Variants in SCN9A observed in about 807,000 individuals in gnomAD.
The protein encoded by SCN9A is sodium voltage-gated channel alpha subunit 9, also known as sodium channel protein type 9 subunit alpha.
Under a neutral mutation model 187.0 loss-of-function variants are expected in SCN9A, and 131 were observed. That is an observed-to-expected ratio of 0.70 (90% CI 0.61 to 0.81). The LOEUF is 0.81. Ranked by LOEUF, SCN9A falls within the 30% of genes least tolerant of loss-of-function variation. The pLI, the probability that SCN9A is intolerant of heterozygous loss-of-function variation, is 0.00. For synonymous variants in SCN9A, 809 were observed against 808.6 expected (o/e 1.00, Z -0.01); for missense variants, 2,252 against 2,396.6 (o/e 0.94, Z 1.26).
At chr2:166,211,561 AAAT>A (rs1308713381) in intron 24 of SCN9A, among the ~76,000 whole-genome samples, 1 of 151,966 alleles carries the variant, frequency 6.6e-6, no homozygotes, top group Non-Finnish European at 1.5e-5. Context: ...TTAAATGTCA[AAAT>A]AATTAAGAAT....
chr2:166,350,577 T>G (rs1035685243), intron 1 of SCN9A, among the ~76,000 whole-genome samples: 1 of 152,224 alleles, frequency 6.6e-6, no homozygotes, highest in Admixed American at 6.5e-5. Context: ...CTTCCTATTA[T>G]TTATTTAACT....
In SCN9A at chr2:166,209,723, C is replaced by A. The variant is rs976663973; in HGVS notation, c.4399-5259G>T. Among the ~76,000 whole-genome samples, 2 of 151,828 alleles carry A rather than the reference C, an allele frequency of 1.3e-5. 1 individual carries two copies. The highest frequency in any genetic ancestry group is 2.9e-5 in the Non-Finnish European group (2 of 67,962). The stretch of plus-strand genomic sequence containing the variant: ...ATGAAAAAATGCTCATCATCACTGG[C>A]CATCAGAGAAATGCAAATCAAAACC... On this transcript the variant is annotated intron_variant, in intron 24 of 26. Coordinates refer to ENST00000642356, the MANE Select transcript of SCN9A (RefSeq NM_001365536.1).
intron 1 of SCN9A, among the ~76,000 whole-genome samples, chr2:166,357,932 T>G (rs1700188630): frequency 6.6e-6 from 1 of 152,064 alleles, no homozygotes; most frequent in Admixed American, 6.6e-5. Context: ...CAATCCATGC[T>G]CTCCCCAAAC....
rs781060177 is a variant in SCN9A at position 166,311,729 on chromosome 2, G to C, written c.28C>G (p.Gln10Glu). 6.2e-7 allele frequency: 1 copy of C among 1,608,774 alleles called. No homozygotes were observed. Among genetic ancestry groups the C allele is most frequent in the Non-Finnish European group, 8.5e-7 (1 of 1,176,434 alleles). The change falls in exon 2 of 27, where the codon CAG (glutamine) becomes GAG (glutamate). Residue 10 changes from glutamine (Q) to glutamate (E), a missense_variant. Coordinates refer to ENST00000642356, the MANE Select transcript of SCN9A (RefSeq NM_001365536.1). Reference protein sequence around the residue: MAMLPPPGPQSFVHFTKQSL... With the variant: MAMLPPPGPESFVHFTKQSL... ...TGTTTTGTGAAATGGACAAAGCTCT[G>C]AGGTCCTGGGGGAGGCAACATTGCC...
At chr2:166,280,158 T>C (rs1697412090) in intron 14 of SCN9A, among the ~76,000 whole-genome samples, 199 bp downstream of exon 14, 1 of 152,122 alleles carries the variant, frequency 6.6e-6, no homozygotes, top group Admixed American at 6.6e-5. Flanking sequence ...GTATTGTTAT[T>C]TGTAGACCTC....
chr2:166,296,400 C>G (rs190875254), intron 7 of SCN9A, among the ~76,000 whole-genome samples: 3 of 152,202 alleles, frequency 2.0e-5, no homozygotes, highest in Non-Finnish European at 4.4e-5. Flanking sequence ...AACAATAAAG[C>G]CTTGCAGTTT....
intron 1 of SCN9A, among the ~76,000 whole-genome samples, chr2:166,319,446 A>G (rs1349852430): frequency 3.9e-5 from 6 of 152,066 alleles, no homozygotes; most frequent in African/African-American, 1.4e-4. Flanking sequence ...AGAACGTGTA[A>G]ATAGCCATAT....
At chr2:166,215,373 T>C (rs1694286478) in intron 24 of SCN9A, among the ~76,000 whole-genome samples, 4 of 152,018 alleles carry the variant, frequency 2.6e-5, no homozygotes, top group Admixed American at 1.3e-4. Context: ...AACAACCTAA[T>C]ATTACATCTT....
At chr2:166,325,173 GTAA>G (rs973587184) in intron 1 of SCN9A, among the ~76,000 whole-genome samples, 5 of 151,922 alleles carry the variant, frequency 3.3e-5, no homozygotes, top group Non-Finnish European at 7.4e-5. Context: ...TTAAATAAAG[GTAA>G]TAATAGCTCA....
intron 1 of SCN9A, among the ~76,000 whole-genome samples, chr2:166,318,686 T>G (rs1192213426): frequency 1.3e-5 from 2 of 152,128 alleles, no homozygotes. Context: ...AAGTCATAAT[T>G]GTAGTTACCT....
intron 17 of SCN9A, among the ~76,000 whole-genome samples, chr2:166,256,003 A>T (rs968527123): frequency 6.6e-6 from 1 of 151,496 alleles, no homozygotes; most frequent in African/African-American, 2.4e-5. Flanking sequence ...ATTTCAATTA[A>T]AGGATCAAAG....
At position 166,284,232 on chromosome 2, in the gene SCN9A, A is replaced by G. The variant is rs1430637261; in HGVS notation, c.1974+221T>C. Among the ~76,000 whole-genome samples the G allele has an allele frequency of 2.0e-5, 3 of 152,250 alleles. No homozygotes were observed. The East Asian group carries it at 5.8e-4, about 29-fold the overall frequency. Reference sequence around the variant, plus strand: ...TATAATCTTCAATTATAAAATTAATAGACAAGTACCTTTTTACAAAAATGG... The same window carrying G: ...TATAATCTTCAATTATAAAATTAATGGACAAGTACCTTTTTACAAAAATGG... On this transcript the variant is annotated intron_variant, in intron 12 of 26. Coordinates refer to ENST00000642356, the MANE Select transcript of SCN9A (RefSeq NM_001365536.1).
Position 166,242,538 on chromosome 2 carries a change from G to T in SCN9A, c.3591C>A (p.Phe1197Leu). The part of the protein sequence containing the change: ...KIVEHSWFES[F>L]IVLMILLSSG... ...TGCTGAGCAGGATCATGAGGACAAT[G>T]AAGCTTTCAAACCAACTGTGTTCAA... Residue 1197 changes from phenylalanine (F) to leucine (L), a missense_variant, in exon 19 of 27, where the codon TTC (phenylalanine) becomes TTA (leucine). Physicochemically the swap from Phe to Leu is conservative, Grantham distance 22. Around this residue, in one of 7 missense-constraint regions of SCN9A, gnomAD observed 313 missense variants for 295.3 expected, o/e 1.06. Coordinates refer to ENST00000642356, the MANE Select transcript of SCN9A (RefSeq NM_001365536.1). The T allele has an allele frequency of 6.3e-7, 1 of 1,596,800 alleles. No homozygotes were observed. The highest frequency in any genetic ancestry group is 1.7e-5 in the Admixed American group (1 of 57,866).
Position 166,277,250 on chromosome 2 carries a change from G to C in SCN9A, c.2607C>G (p.Leu869=). ...AGACGATGATGGCCAACACTAAGGT[G>C]AGGTTACCTAGAGCCCCTACTGAGT... is the stretch of plus-strand genomic sequence containing the variant. ...IGNSVGALGN[L]TLVLAIIVFI... is the part of the protein sequence containing the mutation. Residue 869 remains leucine (L), a synonymous_variant, in exon 16 of 27, where the codon CTC becomes CTG. Coordinates refer to ENST00000642356, the MANE Select transcript of SCN9A (RefSeq NM_001365536.1). 6.2e-7 allele frequency: 1 copy of C among 1,614,062 alleles called. No individual in the cohort carries two copies. Among genetic ancestry groups the C allele is most frequent in the Non-Finnish European group, 8.5e-7 (1 of 1,179,966 alleles).
chr2:166,333,398 G>A (rs1422939155), intron 1 of SCN9A, among the ~76,000 whole-genome samples: 3 of 152,006 alleles, frequency 2.0e-5, no homozygotes, highest in Non-Finnish European at 4.4e-5. Flanking sequence ...TATAGTTAAA[G>A]CCTATGTTCC....
intron 16 of SCN9A, 106 bp downstream of exon 16, chr2:166,276,877 A>G (rs903015614): frequency 3.5e-6 from 3 of 859,210 alleles, no homozygotes; most frequent in Admixed American, 3.8e-5. Context: ...TTTGCAATTA[A>G]TAATTGTAGA....
chr2:166,257,425 G>A (rs1696327499), intron 17 of SCN9A, among the ~76,000 whole-genome samples: 1 of 151,472 alleles, frequency 6.6e-6, no homozygotes, highest in Non-Finnish European at 1.5e-5. Context: ...CAATGAAGGA[G>A]GGCAAGGAAA....
chr2:166,204,418 T>C lies in SCN9A; in HGVS notation c.4445A>G (p.Tyr1482Cys). The C allele has an allele frequency of 6.2e-7, 1 of 1,607,994 alleles. No individual in the cohort carries two copies. Among genetic ancestry groups the C allele is most frequent in the South Asian group, 1.1e-5 (1 of 89,106 alleles). ...GGACCCCAGCTTTTTCATTGCATTA[T>C]AGTATTTCTTCTGTTCTTCTGTCAT... ...IFMTEEQKKYYNAMKKLGSKK... is the reference protein window; with the variant it reads ...IFMTEEQKKYCNAMKKLGSKK... The change falls in exon 25 of 27, where the codon TAT becomes TGT. Residue 1482 changes from tyrosine to cysteine, a missense_variant. Physicochemically the swap from Tyr to Cys is radical, Grantham distance 194. Transcript: ENST00000642356.
chr2:166,225,336 A>G (rs1694799518), intron 24 of SCN9A, among the ~76,000 whole-genome samples: 1 of 152,116 alleles, frequency 6.6e-6, no homozygotes, highest in Admixed American at 6.6e-5. Context: ...CTATAGCAGC[A>G]TCTATTTTTA....
Sources: allele counts gnomAD v4.1 joint callset (sites outside exome capture counted in the v4.1 genomes callset), GRCh38; gene constraint gnomAD v4.1.1; regional missense constraint gnomAD v4.1.1; transcripts MANE v1.5; gene names NCBI Gene and HGNC (gene_info 2026-07-23, HGNC 2026-07-21).